Variants in LRMDA observed in about 807,000 individuals in gnomAD.
The protein encoded by LRMDA is leucine-rich melanocyte differentiation-associated protein.
Under a neutral mutation model 29.8 loss-of-function variants are expected in LRMDA, and 18 were observed. The observed-to-expected ratio is 0.60, with a 90% CI of 0.42 to 0.90. The LOEUF (loss-of-function observed/expected upper bound fraction) is 0.90. Ranked by LOEUF, LRMDA falls within the 40% of genes least tolerant of loss-of-function variation. LRMDA has a pLI of 0.00. For synonymous variants in LRMDA, 125 were observed against 109.4 expected (o/e 1.14, Z -0.89); for missense variants, 273 against 273.9 (o/e 1.00, Z 0.02).
At chr10:76,447,636 A>G (rs1842366343) in intron 6 of LRMDA, among the ~76,000 whole-genome samples, 1 of 152,154 alleles carries the variant, frequency 6.6e-6, no homozygotes, top group South Asian at 2.1e-4. Flanking sequence ...AGCTTGTCAC[A>G]TATCTGGTCT....
intron 2 of LRMDA, among the ~76,000 whole-genome samples, chr10:75,866,856 T>G (rs931166671): frequency 6.6e-6 from 1 of 152,242 alleles, no homozygotes; most frequent in Non-Finnish European, 1.5e-5. Context: ...CTTGACTGTT[T>G]GCTGGTCGTG....
chr10:75,851,589 GCA>G (rs1844734161), intron 2 of LRMDA, among the ~76,000 whole-genome samples: 2 of 152,164 alleles, frequency 1.3e-5, no homozygotes, highest in South Asian at 4.1e-4. Flanking sequence ...TCTAAATAAT[GCA>G]GTGAACCCTA....
chr10:76,119,573 A>G (rs1849740181), intron 5 of LRMDA, among the ~76,000 whole-genome samples: 1 of 152,132 alleles, frequency 6.6e-6, no homozygotes, highest in Non-Finnish European at 1.5e-5. Flanking sequence ...GGGCATGCTA[A>G]TCTCAGAAGG....
intron 2 of LRMDA, among the ~76,000 whole-genome samples, chr10:75,999,383 T>C (rs1006885356): frequency 1.3e-5 from 2 of 152,218 alleles, no homozygotes; most frequent in African/African-American, 4.8e-5. Flanking sequence ...TTTGTCATAA[T>C]GGAGGAAGAA....
At chr10:76,299,253 G>C (rs1840450557) in intron 5 of LRMDA, among the ~76,000 whole-genome samples, 1 of 151,842 alleles carries the variant, frequency 6.6e-6, no homozygotes, top group Non-Finnish European at 1.5e-5. Context: ...GGGATATTGA[G>C]GTTTCTCAGG....
intron 2 of LRMDA, among the ~76,000 whole-genome samples, chr10:75,548,461 G>A (rs1840104931): frequency 6.6e-6 from 1 of 152,124 alleles, no homozygotes; most frequent in African/African-American, 2.4e-5. Flanking sequence ...TACTCTGGGA[G>A]TGTAGGACCC....
At chr10:75,453,672 AATGT>A (rs1282757954) in intron 2 of LRMDA, among the ~76,000 whole-genome samples, 1 of 152,070 alleles carries the variant, frequency 6.6e-6, no homozygotes, top group African/African-American at 2.4e-5. Context: ...CTGTTGATTG[AATGT>A]ATTAAAATGC....
At chr10:76,345,513 A>C (rs73290717) in intron 6 of LRMDA, among the ~76,000 whole-genome samples, 1,818 of 149,524 alleles carry the variant, frequency 0.012, 31 homozygotes, top group African/African-American at 0.04. Flanking sequence ...AAAAGGGAAT[A>C]AAACAAGGTG....
At chr10:75,776,334 A>C (rs546450006) in intron 2 of LRMDA, among the ~76,000 whole-genome samples, 5 of 152,330 alleles carry the variant, frequency 3.3e-5, no homozygotes, top group African/African-American at 1.2e-4. Flanking sequence ...ATCTGGGGGC[A>C]TATTGGAGGA....
chr10:75,477,498 C>T (rs573290429), intron 2 of LRMDA, among the ~76,000 whole-genome samples: 29 of 152,306 alleles, frequency 1.9e-4, no homozygotes, highest in South Asian at 6.2e-4. Context: ...GAATCAAACA[C>T]CTACATGTTC....
intron 2 of LRMDA, among the ~76,000 whole-genome samples, chr10:75,953,316 C>T (rs753902280): frequency 2.6e-5 from 4 of 152,098 alleles, no homozygotes; most frequent in Non-Finnish European, 5.9e-5. Context: ...TGGCCTCAAG[C>T]GATCCTTCTG....
intron 5 of LRMDA, among the ~76,000 whole-genome samples, chr10:76,120,138 A>G (rs1235386511): frequency 6.6e-6 from 1 of 151,028 alleles, no homozygotes; most frequent in Non-Finnish European, 1.5e-5. Context: ...TCTACTATAC[A>G]TTCTTTATTT....
chr10:75,682,385 G>C (rs1033686762), intron 2 of LRMDA, among the ~76,000 whole-genome samples: 2 of 152,086 alleles, frequency 1.3e-5, no homozygotes, highest in African/African-American at 4.8e-5. Flanking sequence ...TTAAATAGGA[G>C]GAATAGCTCT....
At chr10:76,130,514 T>G (rs1351209164) in intron 5 of LRMDA, among the ~76,000 whole-genome samples, 1 of 152,216 alleles carries the variant, frequency 6.6e-6, no homozygotes, top group Non-Finnish European at 1.5e-5. Context: ...ACTTCTTCGG[T>G]CAGAAGCTGT....
At chr10:76,172,948 A>G (rs1268479754) in intron 5 of LRMDA, among the ~76,000 whole-genome samples, 2 of 152,262 alleles carry the variant, frequency 1.3e-5, no homozygotes, top group Non-Finnish European at 2.9e-5. Context: ...TTTGATCAAT[A>G]GAAACATACA....
rs913109913 is a variant in LRMDA, at chr10:76,369,917, T to C, written c.601+45432T>C. 3.9e-5 allele frequency among the ~76,000 whole-genome samples: 6 copies of C among 152,000 alleles called. 1 individual carries two copies. Among genetic ancestry groups the C allele is most frequent in the Admixed American group, 3.3e-4 (5 of 15,236 alleles). Reference sequence around the variant, plus strand: ...CATATCCCATCTACGAGATGACAAATGTTTGATTGAAGAAGTATTGAAGAG... The same window carrying C: ...CATATCCCATCTACGAGATGACAAACGTTTGATTGAAGAAGTATTGAAGAG... On this transcript the variant is annotated intron_variant, in intron 6 of 6. Transcript: ENST00000611255.
At chr10:75,564,366 C>A (rs535904621) in intron 2 of LRMDA, among the ~76,000 whole-genome samples, 1 of 152,120 alleles carries the variant, frequency 6.6e-6, no homozygotes, top group Admixed American at 6.5e-5. Flanking sequence ...CCTGGTGTGC[C>A]GTTTTTTAAG....
intron 6 of LRMDA, among the ~76,000 whole-genome samples, chr10:76,450,502 C>T (rs952524429): frequency 6.6e-6 from 1 of 152,038 alleles, no homozygotes; most frequent in Non-Finnish European, 1.5e-5. Context: ...CTTATAAAGT[C>T]TTTCTCTGGG....
intron 2 of LRMDA, among the ~76,000 whole-genome samples, chr10:75,956,041 T>G (rs1247771822): frequency 6.6e-6 from 1 of 152,200 alleles, no homozygotes; most frequent in Non-Finnish European, 1.5e-5. Context: ...AGTAGCAACT[T>G]AGATAAGTGG....
Sources: allele counts gnomAD v4.1 joint callset (sites outside exome capture counted in the v4.1 genomes callset), GRCh38; gene constraint gnomAD v4.1.1; transcripts MANE v1.5; gene names NCBI Gene and HGNC (gene_info 2026-07-23, HGNC 2026-07-21).